Variants in UGT8 observed in about 807,000 individuals in gnomAD.
UGT8 encodes 2-hydroxyacylsphingosine 1-beta-galactosyltransferase.
A neutral mutation model predicts 40.5 loss-of-function variants in UGT8; 12 were observed. The ratio of observed to expected loss-of-function variants is 0.30; its 90% CI spans 0.19 to 0.48. UGT8 has a LOEUF of 0.48. Ranked by LOEUF, UGT8 falls within the 20% of genes least tolerant of loss-of-function variation. The pLI, the probability that UGT8 is intolerant of heterozygous loss-of-function variation, is 0.99. For missense variants in UGT8, 513 were observed against 648.7 expected, an observed-to-expected ratio of 0.79 and a Z score of 2.27; for synonymous variants, 224 against 240.4, an observed-to-expected ratio of 0.93 and a Z score of 0.63.
At chr4:114,655,819 T>C (rs1315690320) in intron 2 of UGT8, among the ~76,000 whole-genome samples, 1 of 152,136 alleles carries the variant, frequency 6.6e-6, no homozygotes, top group Non-Finnish European at 1.5e-5. Context: ...ACTAATAATG[T>C]CCTTAATAAG....
chr4:114,613,626 A>G (rs1199446928), intron 1 of UGT8, among the ~76,000 whole-genome samples: 1 of 152,154 alleles, frequency 6.6e-6, no homozygotes, highest in Non-Finnish European at 1.5e-5. Flanking sequence ...TCAGGTCTCG[A>G]TAGTTGGATC....
chr4:114,627,155 C>T (rs1732278686), intron 2 of UGT8, among the ~76,000 whole-genome samples: 2 of 151,878 alleles, frequency 1.3e-5, no homozygotes, highest in Admixed American at 6.6e-5. Flanking sequence ...TTTACCTACT[C>T]TATCATTGCA....
intron 4 of UGT8, among the ~76,000 whole-genome samples, chr4:114,667,379 G>C (rs1470308243): frequency 6.6e-6 from 1 of 152,142 alleles, no homozygotes; most frequent in Non-Finnish European, 1.5e-5. Context: ...TTATAGAAAT[G>C]TAGGCCATTT....
At chr4:114,672,702 G>A (rs528750888) in intron 5 of UGT8, among the ~76,000 whole-genome samples, 24 of 151,994 alleles carry the variant, frequency 1.6e-4, no homozygotes, top group Non-Finnish European at 3.1e-4. Context: ...TAGCGGATGG[G>A]TCAATAGGTA....
intron 2 of UGT8, among the ~76,000 whole-genome samples, chr4:114,650,081 G>T (rs1054422715): frequency 1.3e-5 from 2 of 152,126 alleles, no homozygotes; most frequent in African/African-American, 2.4e-5. Flanking sequence ...TTCTGCAATT[G>T]CCCTGAGGAC....
intron 1 of UGT8, among the ~76,000 whole-genome samples, chr4:114,609,697 A>T (rs985835371): frequency 6.6e-6 from 1 of 152,126 alleles, no homozygotes; most frequent in East Asian, 1.9e-4. Context: ...TCCAGCCTCT[A>T]TATGGGCTTT....
rs1023715061 is a variant in UGT8 at position 114,623,833 on chromosome 4, G to A, written c.822+131G>A. On this transcript the variant is annotated intron_variant, in intron 2 of 5. Coordinates refer to ENST00000310836, the MANE Select transcript of UGT8 (RefSeq NM_001128174.3). Reference sequence around the variant, plus strand: ...ACACTAAAAGGTGATTAGGACATGGGGCCTCCAAAGTCCCTTTATGTGGGT... The same window carrying A: ...ACACTAAAAGGTGATTAGGACATGGAGCCTCCAAAGTCCCTTTATGTGGGT... 8 of 1,261,114 alleles carry A rather than the reference G, an allele frequency of 6.3e-6. No individual in the cohort carries two copies. The South Asian group carries it at 1.0e-4, about 16-fold the overall frequency. The allele number at this position is 1,261,114 out of a possible 1,614,324, so 78.1% of individuals were successfully genotyped here. A position where few individuals can be genotyped will look rare whatever the true frequency, so the allele number is the denominator to read the frequency against.
At chr4:114,675,847 C>A (rs1006956163) in intron 5 of UGT8, 78 bp from the exon 6 acceptor site, 2 of 1,488,968 alleles carry the variant, frequency 1.3e-6, no homozygotes, top group Middle Eastern at 1.8e-4. Flanking sequence ...ATTATTTCCC[C>A]TTTTTAAATG....
chr4:114,669,468 T>A (rs562108188), intron 5 of UGT8, among the ~76,000 whole-genome samples: 2 of 152,226 alleles, frequency 1.3e-5, no homozygotes, highest in South Asian at 4.1e-4. Flanking sequence ...GTATCTATCT[T>A]CAATCTTTCA....
chr4:114,632,959 T>G (rs1732665574), intron 2 of UGT8, among the ~76,000 whole-genome samples: 1 of 152,252 alleles, frequency 6.6e-6, no homozygotes, highest in South Asian at 2.1e-4. Flanking sequence ...TAAATATTGT[T>G]AAAACCTTGG....
chr4:114,668,778 G>C (rs1447037501), intron 5 of UGT8, among the ~76,000 whole-genome samples: 2 of 152,148 alleles, frequency 1.3e-5, no homozygotes, highest in Non-Finnish European at 2.9e-5. Context: ...TGGTAAGCCT[G>C]GTGTTGCTGG....
At chr4:114,658,442 G>C (rs1734320099) in intron 2 of UGT8, among the ~76,000 whole-genome samples, 1 of 152,172 alleles carries the variant, frequency 6.6e-6, no homozygotes, top group Admixed American at 6.5e-5. Context: ...GGAGAGAAAA[G>C]AGTGGGTTTG....
intron 2 of UGT8, among the ~76,000 whole-genome samples, chr4:114,639,150 T>C (rs761925620): frequency 6.6e-6 from 1 of 152,204 alleles, no homozygotes; most frequent in African/African-American, 2.4e-5. Context: ...GTGATTCCAA[T>C]GTCCTTTCCA....
At position 114,676,609 on chromosome 4, in the gene UGT8, G is replaced by C. The variant is rs1292762601; in HGVS notation, c.*321G>C. On this transcript the variant is annotated 3_prime_UTR_variant, in exon 6 of 6. Coordinates refer to ENST00000310836, the MANE Select transcript of UGT8 (RefSeq NM_001128174.3). ...ATGTGCGTGTCCCGGATCAGGAATGGTTTCATTTTTCTTAATAATGTGTGT... is the reference window on the plus strand; with the variant it reads ...ATGTGCGTGTCCCGGATCAGGAATGCTTTCATTTTTCTTAATAATGTGTGT... The C allele has an allele frequency of 4.4e-6, 1 of 229,590 alleles. No individual in the cohort carries two copies. Among genetic ancestry groups the C allele is most frequent in the African/African-American group, 2.3e-5 (1 of 42,956 alleles). 14.2% of individuals were successfully genotyped at this position (229,590 alleles called of 1,614,324 possible).
At chr4:114,615,653 G>A (rs1731364202) in intron 1 of UGT8, among the ~76,000 whole-genome samples, 1 of 152,174 alleles carries the variant, frequency 6.6e-6, no homozygotes, top group Admixed American at 6.6e-5. Flanking sequence ...TGCCTGTATG[G>A]TCTAGGATGT....
chr4:114,639,041 C>T (rs1277562390), intron 2 of UGT8, among the ~76,000 whole-genome samples: 1 of 152,206 alleles, frequency 6.6e-6, no homozygotes, highest in African/African-American at 2.4e-5. Context: ...CTGTCAACTG[C>T]AAGAGACTCC....
At chr4:114,621,017 G>A (rs1482205479) in intron 1 of UGT8, among the ~76,000 whole-genome samples, 3 of 151,952 alleles carry the variant, frequency 2.0e-5, no homozygotes, top group Non-Finnish European at 4.4e-5. Context: ...TCTATTTGGG[G>A]GTCTAATTTA....
rs769095926 is a variant in UGT8, at chr4:114,665,662, G to A, written c.966-18G>A. On this transcript the variant is annotated intron_variant, in intron 3 of 5. Coordinates refer to ENST00000310836, the MANE Select transcript of UGT8 (RefSeq NM_001128174.3). ...AGGTTTGATTTTTAAAAGACTAATT[G>A]TCTGGTGTACATTTTAGGTTTTCTG... The A allele has an allele frequency of 5.7e-6, 9 of 1,589,578 alleles. No homozygotes were observed. The highest frequency in any genetic ancestry group is 7.7e-6 in the Non-Finnish European group (9 of 1,170,054).
intron 2 of UGT8, among the ~76,000 whole-genome samples, chr4:114,661,971 T>C (rs1049311542): frequency 5.3e-5 from 8 of 152,224 alleles, no homozygotes; most frequent in African/African-American, 1.9e-4. Flanking sequence ...TACATAAAAT[T>C]TTAAATCATT....
Sources: allele counts gnomAD v4.1 joint callset (sites outside exome capture counted in the v4.1 genomes callset), GRCh38; gene constraint gnomAD v4.1.1; transcripts MANE v1.5; gene names NCBI Gene and HGNC (gene_info 2026-07-23, HGNC 2026-07-21).